Variants in S100A4 observed in about 807,000 individuals in gnomAD.
S100A4 encodes S100 calcium binding protein A4.
In S100A4, 4 loss-of-function variants were observed where a neutral mutation model predicts 6.3. The ratio of observed to expected loss-of-function variants is 0.64; its 90% CI spans 0.31 to 1.46. S100A4 has a LOEUF of 1.46. Among genes scored for constraint, S100A4 ranks in the 40% most tolerant of loss-of-function variants. S100A4 has a pLI of 0.07. For missense variants in S100A4, 108 were observed against 120.8 expected (o/e 0.89, Z 0.50); for synonymous variants, 44 against 47.6 (o/e 0.92, Z 0.32).
intron 1 of S100A4, 195 bp downstream of exon 1, chr1:153,545,554 CTGTT>C (rs1277878917): frequency 1.3e-5 from 2 of 152,548 alleles, no homozygotes; most frequent in Non-Finnish European, 2.9e-5. Context: ...GCTCACTTTT[CTGTT>C]TGTTTTTTCC....
chr1:153,544,224 A>G (rs552065256), intron 2 of S100A4, among the ~76,000 whole-genome samples: 1 of 152,342 alleles, frequency 6.6e-6, no homozygotes, highest in Admixed American at 6.5e-5. Context: ...GTTTGATACA[A>G]ATATACATTG....
At chr1:153,544,573 C>A in intron 2 of S100A4, 81 bp downstream of exon 2, 1 of 1,579,476 alleles carries the variant, frequency 6.3e-7, no homozygotes, top group Admixed American at 1.7e-5. Flanking sequence ...CCCTCTGTAG[C>A]TAATGCTCTA....
chr1:153,543,677 G>T lies in S100A4; in HGVS notation c.*82C>A. The T allele has an allele frequency of 7.4e-7, 1 of 1,354,510 alleles. No homozygotes were observed. Among genetic ancestry groups the T allele is most frequent in the South Asian group, 1.3e-5 (1 of 78,150 alleles). The allele number at this position is 1,354,510 out of a possible 1,614,324, so 83.9% of individuals were successfully genotyped here. ...CAGCATCAAGCACGTGTCTGAAGGA[G>T]CCAGGGTGGAAAAAAAAAAGTGCCC... On this transcript the variant is annotated 3_prime_UTR_variant, in exon 3 of 3. Transcript: ENST00000368716.
chr1:153,545,795 G>T lies in S100A4; in HGVS notation c.-58C>A. ...AGCGCTGAGGAGAGAGGGTTGTAGA[G>T]AGGGGAAGAATGGGGACGGCCCAGA... On this transcript the variant is annotated 5_prime_UTR_variant, in exon 1 of 3. Coordinates refer to ENST00000368716, the MANE Select transcript of S100A4 (RefSeq NM_002961.3). 1 of 153,062 alleles carries T rather than the reference G, an allele frequency of 6.5e-6. No homozygotes were observed. Among genetic ancestry groups the T allele is most frequent in the Non-Finnish European group, 1.5e-5 (1 of 68,504 alleles). 9.5% of individuals were successfully genotyped at this position (153,062 alleles called of 1,614,324 possible).
In S100A4 at chr1:153,544,679, G is replaced by C. The variant is rs147390231; in HGVS notation, c.116C>G (p.Thr39Ser). ...LNKSELKELL[T>S]RELPSFLGKR... ...CCCCAAGAAGCTGGGCAGCTCCCGG[G>C]TCAGCAGCTCCTTTAGTTCTGACTT... Residue 39 changes from threonine (T) to serine (S), a missense_variant, in exon 2 of 3, where the codon ACC becomes AGC. Transcript: ENST00000368716. 1.2e-6 allele frequency: 2 copies of C among 1,614,090 alleles called. No individual in the cohort carries two copies. The highest frequency in any genetic ancestry group is 1.7e-6 in the Non-Finnish European group (2 of 1,180,026).
Position 153,543,734 on chromosome 1 carries a change from C to T in S100A4, c.*25G>A, listed in dbSNP as rs771748042. 1 of 1,606,172 alleles carries T rather than the reference C, an allele frequency of 6.2e-7. No individual in the cohort carries two copies. The highest frequency in any genetic ancestry group is 8.5e-7 in the Non-Finnish European group (1 of 1,175,048). On this transcript the variant is annotated 3_prime_UTR_variant, in exon 3 of 3. Coordinates refer to ENST00000368716, the MANE Select transcript of S100A4 (RefSeq NM_002961.3). ...GACAGGGAGGGCCCCAGCTGGCAGA[C>T]CCCCCAACCACATCAGAGGAGTTTT... is the stretch of plus-strand genomic sequence containing the variant.
Position 153,543,712 on chromosome 1 carries a change from AG to A in S100A4, c.*46del. ...AAAAAAAAAAGTGCCCACTGGCGAC[AG>A]GGAGGGCCCCAGCTGGCAGACCCCC... On this transcript the variant is annotated 3_prime_UTR_variant, in exon 3 of 3. Transcript: ENST00000368716. 6.3e-7 allele frequency: 1 copy of A among 1,576,528 alleles called. No homozygotes were observed.
intron 2 of S100A4, among the ~76,000 whole-genome samples, 186 bp downstream of exon 2, chr1:153,544,468 C>A (rs1420855000): frequency 1.3e-5 from 2 of 152,184 alleles, no homozygotes; most frequent in Non-Finnish European, 2.9e-5. Context: ...AGTGTCTGAC[C>A]CATTCATTCT....
rs763415081 is a variant in S100A4, at chr1:153,543,870, GTT to G, written c.193_194del (p.Asn65GlnfsTer22). The G allele has an allele frequency of 1.9e-5, 30 of 1,614,102 alleles. No homozygotes were observed. The highest frequency in any genetic ancestry group is 2.5e-5 in the Non-Finnish European group (30 of 1,180,054). ...FQKLMSNLDS[N>X]RDNEVDFQEY... ...CTTGGAAGTCCACCTCGTTGTCCCT[GTT>G]GCTGTCCAAGTTGCTCATCAGCTTC... On this transcript the variant is annotated frameshift_variant, in exon 3 of 3. Coordinates refer to ENST00000368716, the MANE Select transcript of S100A4 (RefSeq NM_002961.3). LOFTEE classifies it high-confidence loss of function.
At chr1:153,544,971 T>C in intron 1 of S100A4, 162 bp from the exon 2 acceptor site, 2 of 763,972 alleles carry the variant, frequency 2.6e-6, no homozygotes, top group Non-Finnish European at 4.2e-6. Context: ...GCTGGGAGGG[T>C]GTGCACAGTG....
In S100A4 at chr1:153,545,434, A is replaced by G. The variant is rs370082442; in HGVS notation, c.-16+319T>C. On this transcript the variant is annotated intron_variant, in intron 1 of 2. Transcript: ENST00000368716. ...CTCCCGAGTGCGCAACCCAGCAAAC[A>G]TGAGCCAGTGCAGATACCCACAGGC... The G allele has an allele frequency of 3.1e-4, 48 of 154,826 alleles. No homozygotes were observed. In the South Asian group the frequency reaches 6.5e-3, roughly 21 times the overall value. 9.6% of individuals were successfully genotyped at this position (154,826 alleles called of 1,614,324 possible).
At chr1:153,544,014 G>T in intron 2 of S100A4, 91 bp from the exon 3 acceptor site, 1 of 1,443,168 alleles carries the variant, frequency 6.9e-7, no homozygotes. Flanking sequence ...CCAGAGTTCA[G>T]GGAGGCTCCT....
Position 153,543,878 on chromosome 1 carries a change from C to T in S100A4, c.187G>A (p.Asp63Asn). The change falls in exon 3 of 3, where the codon GAC (aspartate) becomes AAC (asparagine). Residue 63 changes from aspartate to asparagine, a missense_variant. Coordinates refer to ENST00000368716, the MANE Select transcript of S100A4 (RefSeq NM_002961.3). ...AAFQKLMSNL[D>N]SNRDNEVDFQ... ...TCCACCTCGTTGTCCCTGTTGCTGT[C>T]CAAGTTGCTCATCAGCTTCTGGAAA... The T allele has an allele frequency of 3.1e-6, 5 of 1,614,176 alleles. No homozygotes were observed. Among genetic ancestry groups the T allele is most frequent in the Non-Finnish European group, 4.2e-6 (5 of 1,180,032 alleles).
chr1:153,545,024 G>A (rs969176821), intron 1 of S100A4: 7 of 532,186 alleles, frequency 1.3e-5, no homozygotes, highest in Non-Finnish European at 2.3e-5. Flanking sequence ...AAGATCCGCT[G>A]CGCAAGCTCT....
chr1:153,544,081 G>A (rs922397485), intron 2 of S100A4, 158 bp from the exon 3 acceptor site: 4 of 696,962 alleles, frequency 5.7e-6, no homozygotes, highest in Non-Finnish European at 9.5e-6. Flanking sequence ...TGGAGAAGGT[G>A]CTCCTTGGAT....
chr1:153,545,321 C>T, intron 1 of S100A4: 1 of 165,878 alleles, frequency 6.0e-6, no homozygotes, highest in Non-Finnish European at 1.3e-5. Flanking sequence ...CCTTCTCGAG[C>T]TGGGCTGCTG....
rs191039924 is a variant in S100A4 at position 153,544,833 on chromosome 1, C to T, written c.-15-24G>A. The T allele has an allele frequency of 4.8e-5, 77 of 1,613,310 alleles. No individual in the cohort carries two copies. In the Admixed American group the frequency reaches 5.8e-4, roughly 12 times the overall value. ...ATCTGGGAGCAGGAGGCACAGAGACCGTCTTATTAATCCCACCCCTCAGAG... is the reference window on the plus strand; with the variant it reads ...ATCTGGGAGCAGGAGGCACAGAGACTGTCTTATTAATCCCACCCCTCAGAG... On this transcript the variant is annotated intron_variant, in intron 1 of 2. Transcript: ENST00000368716.
Position 153,543,625 on chromosome 1 carries a change from C to G in S100A4, c.*134G>C, listed in dbSNP as rs1571236984. On this transcript the variant is annotated 3_prime_UTR_variant, in exon 3 of 3. Transcript: ENST00000368716. ...GTCTCTCAAACCATCAGCCTCAAAA[C>G]TTCCAAGAATCTTTATTGAACTTGC... is the stretch of plus-strand genomic sequence containing the variant. 3.2e-6 allele frequency: 3 copies of G among 930,926 alleles called. No homozygotes were observed. In the East Asian group the frequency reaches 7.3e-5, roughly 23 times the overall value. 57.7% of individuals were successfully genotyped at this position (930,926 alleles called of 1,614,324 possible). A position where few individuals can be genotyped will look rare whatever the true frequency, so the allele number is the denominator to read the frequency against.
chr1:153,544,559 G>C, intron 2 of S100A4, 95 bp downstream of exon 2: 1 of 1,531,768 alleles, frequency 6.5e-7, no homozygotes, highest in Non-Finnish European at 8.9e-7. Flanking sequence ...CCCACTGATA[G>C]ATGCCCTCTG....
Sources: allele counts gnomAD v4.1 joint callset (sites outside exome capture counted in the v4.1 genomes callset), GRCh38; gene constraint gnomAD v4.1.1; transcripts MANE v1.5; gene names NCBI Gene and HGNC (gene_info 2026-07-23, HGNC 2026-07-21).